TCF7L1: variants seen among roughly 807,000 people sequenced by gnomAD.
TCF7L1 encodes transcription factor 7-like 1.
A neutral mutation model predicts 63.7 loss-of-function variants in TCF7L1; 18 were observed. The observed-to-expected ratio is 0.28, with a 90% CI of 0.20 to 0.42. The LOEUF (loss-of-function observed/expected upper bound fraction) is 0.42. Ranked by LOEUF, TCF7L1 falls within the 10% of genes least tolerant of loss-of-function variation. TCF7L1 has a pLI of 1.00. For missense variants in TCF7L1, 654 were observed against 779.3 expected (o/e 0.84, Z 1.91); for synonymous variants, 355 against 340.9 (o/e 1.04, Z -0.46).
chr2:85,308,407 C>A (rs1412466531), intron 11 of TCF7L1, among the ~76,000 whole-genome samples: 3 of 131,284 alleles, frequency 2.3e-5, no homozygotes, highest in Non-Finnish European at 4.7e-5. Flanking sequence ...CTCCTTCCCT[C>A]CCTTTCCCCT....
At chr2:85,304,224 A>C in intron 6 of TCF7L1, 31 bp from the exon 7 acceptor site, 1 of 1,600,808 alleles carries the variant, frequency 6.2e-7, no homozygotes, top group East Asian at 2.2e-5. Context: ...AGCTTTCCCA[A>C]TATGCTGACC....
chr2:85,274,714 GT>G (rs909362818), intron 3 of TCF7L1, among the ~76,000 whole-genome samples: 5 of 152,190 alleles, frequency 3.3e-5, no homozygotes, highest in African/African-American at 7.2e-5. Flanking sequence ...AAATGCTTTG[GT>G]TTTTCACTTT....
chr2:85,204,668 C>T (rs753893808), intron 3 of TCF7L1, among the ~76,000 whole-genome samples: 6 of 152,082 alleles, frequency 3.9e-5, no homozygotes, highest in Non-Finnish European at 8.8e-5. Flanking sequence ...GGCACGTGCA[C>T]CACGCCCAGC....
At chr2:85,291,188 C>A (rs906034040) in intron 4 of TCF7L1, among the ~76,000 whole-genome samples, 4 of 152,174 alleles carry the variant, frequency 2.6e-5, no homozygotes, top group African/African-American at 9.7e-5. Context: ...TAGGAACACA[C>A]CTTCTCATTT....
intron 3 of TCF7L1, among the ~76,000 whole-genome samples, chr2:85,221,529 T>C (rs1679840056): frequency 1.3e-5 from 2 of 152,302 alleles, no homozygotes; most frequent in South Asian, 4.2e-4. Flanking sequence ...GTGCAGGCCT[T>C]CTTACTGCAT....
At chr2:85,212,820 C>T (rs534169362) in intron 3 of TCF7L1, among the ~76,000 whole-genome samples, 6 of 152,180 alleles carry the variant, frequency 3.9e-5, no homozygotes, top group East Asian at 1.9e-4. Flanking sequence ...GACGGTGAGA[C>T]GAACCCGCTG....
intron 3 of TCF7L1, among the ~76,000 whole-genome samples, chr2:85,155,587 C>T (rs748691479): frequency 3.2e-4 from 48 of 152,296 alleles, no homozygotes; most frequent in African/African-American, 4.3e-4. Context: ...CTCTAGTCTT[C>T]GTACTTCATT....
chr2:85,157,713 T>C (rs1030011373), intron 3 of TCF7L1, among the ~76,000 whole-genome samples: 3 of 152,172 alleles, frequency 2.0e-5, no homozygotes, highest in South Asian at 2.1e-4. Context: ...ATTGAACCCA[T>C]GGGGTTTTCG....
intron 4 of TCF7L1, among the ~76,000 whole-genome samples, chr2:85,298,929 C>T (rs1383438105): frequency 6.6e-6 from 1 of 152,032 alleles, no homozygotes; most frequent in Non-Finnish European, 1.5e-5. Context: ...CGCCTTCCCT[C>T]CCGGTTCATT....
At chr2:85,180,319 C>T (rs1041743953) in intron 3 of TCF7L1, among the ~76,000 whole-genome samples, 5 of 151,510 alleles carry the variant, frequency 3.3e-5, no homozygotes, top group Non-Finnish European at 7.4e-5. Context: ...GTGATTGTCC[C>T]GCCTTGGCCT....
intron 3 of TCF7L1, among the ~76,000 whole-genome samples, chr2:85,267,703 G>T (rs992580918): frequency 6.6e-6 from 1 of 150,898 alleles, no homozygotes; most frequent in African/African-American, 2.4e-5. Flanking sequence ...ACTGGGGCAA[G>T]TTAGTTAACC....
chr2:85,142,429 AAAATGTGTGTGTGTGTGTG>A (rs1207230825), intron 3 of TCF7L1, among the ~76,000 whole-genome samples: 1 of 59,842 alleles, frequency 1.7e-5, no homozygotes, highest in East Asian at 4.9e-4. Context: ...AAAAAAAAAA[AAAATGTGTGTGTGTGTGTG>A]TGTGTGTGTG....
chr2:85,176,986 C>CAAAAAAAA (rs774094748), intron 3 of TCF7L1, among the ~76,000 whole-genome samples: 1 of 66,808 alleles, frequency 1.5e-5, no homozygotes. Flanking sequence ...GACTCTGTCT[C>CAAAAAAAA]AAAAAAAAAA....
At chr2:85,258,416 A>G (rs1219882300) in intron 3 of TCF7L1, among the ~76,000 whole-genome samples, 1 of 152,040 alleles carries the variant, frequency 6.6e-6, no homozygotes, top group African/African-American at 2.4e-5. Flanking sequence ...ATAGGTTGAG[A>G]TAGGGGGCTC....
chr2:85,215,593 CT>C (rs1679681784), intron 3 of TCF7L1, among the ~76,000 whole-genome samples: 1 of 152,156 alleles, frequency 6.6e-6, no homozygotes, highest in Non-Finnish European at 1.5e-5. Context: ...ACATCTGGCT[CT>C]GATTATCTGG....
At chr2:85,219,169 T>C (rs80092311) in intron 3 of TCF7L1, among the ~76,000 whole-genome samples, 9,557 of 152,068 alleles carry the variant, frequency 0.063, 423 homozygotes, top group African/African-American at 0.13. Context: ...CAATTTTTTT[T>C]CCCCAGAAAA....
intron 3 of TCF7L1, among the ~76,000 whole-genome samples, chr2:85,145,169 G>C (rs1358330751): frequency 6.6e-6 from 1 of 152,056 alleles, no homozygotes; most frequent in Non-Finnish European, 1.5e-5. Flanking sequence ...GGGGGCTTAT[G>C]ATATGGTTGA....
chr2:85,294,115 C>T (rs544597968), intron 4 of TCF7L1, among the ~76,000 whole-genome samples: 33 of 137,732 alleles, frequency 2.4e-4, no homozygotes, highest in African/African-American at 9.0e-4. Context: ...TGGCTCACTG[C>T]AAGCTCCACT....
chr2:85,307,697 A>G lies in TCF7L1; in HGVS notation c.1313A>G (p.Gln438Arg), dbSNP rs748415521. The change falls in exon 11 of 12, where the codon CAG (glutamine) becomes CGG (arginine). Residue 438 changes from glutamine (Q) to arginine (R), a missense_variant. Gln to Arg is a conservative substitution (Grantham distance 43, BLOSUM62 1). Around this residue, in one of 3 missense-constraint regions of TCF7L1, gnomAD observed 184 missense variants for 204.0 expected, o/e 0.90. Transcript: ENST00000282111. The stretch of plus-strand genomic sequence containing the variant: ...CAGCTGTCCCAGACACAGTCACAGC[A>G]GCAAGTCCAGGAGGCAGAGGGTGCG... ...EKQLSQTQSQQQVQEAEGALA... is the reference protein window; with the variant it reads ...EKQLSQTQSQRQVQEAEGALA... 4 of 1,613,772 alleles carry G rather than the reference A, an allele frequency of 2.5e-6. No individual in the cohort carries two copies. The highest frequency in any genetic ancestry group is 3.4e-6 in the Non-Finnish European group (4 of 1,179,984).
Sources: allele counts gnomAD v4.1 joint callset (sites outside exome capture counted in the v4.1 genomes callset), GRCh38; gene constraint gnomAD v4.1.1; regional missense constraint gnomAD v4.1.1; transcripts MANE v1.5; gene names NCBI Gene and HGNC (gene_info 2026-07-23, HGNC 2026-07-21).